Variants in LAPTM4A observed in about 807,000 individuals in gnomAD.
The protein encoded by LAPTM4A is lysosomal-associated transmembrane protein 4A.
LAPTM4A carries 19 observed loss-of-function variants against 29.9 expected under a neutral mutation model. That is an observed-to-expected ratio of 0.64 (90% CI 0.44 to 0.93). LAPTM4A has a LOEUF of 0.93. Among genes scored for constraint, LAPTM4A ranks in the 40% least tolerant of loss-of-function variants. The pLI is 0.00. For missense variants in LAPTM4A, 293 were observed against 288.5 expected, an observed-to-expected ratio of 1.02 and a Z score of -0.11; for synonymous variants, 105 against 102.1, an observed-to-expected ratio of 1.03 and a Z score of -0.17.
intron 1 of LAPTM4A, among the ~76,000 whole-genome samples, chr2:20,042,464 A>T (rs1465757374): frequency 6.6e-6 from 1 of 152,220 alleles, no homozygotes; most frequent in Non-Finnish European, 1.5e-5. Flanking sequence ...GTGGATTCTG[A>T]CACACTACAG....
chr2:20,042,868 T>A (rs1366641619), intron 1 of LAPTM4A, among the ~76,000 whole-genome samples: 1 of 152,168 alleles, frequency 6.6e-6, no homozygotes, highest in Non-Finnish European at 1.5e-5. Context: ...GTTCACAGAA[T>A]TTGCCCTCCT....
intron 4 of LAPTM4A, 120 bp downstream of exon 4, chr2:20,037,196 A>C: frequency 2.6e-6 from 2 of 782,182 alleles, no homozygotes; most frequent in South Asian, 5.0e-5. Flanking sequence ...AATTATTTTA[A>C]GACACTTTCA....
chr2:20,050,059 T>C (rs189439457), intron 1 of LAPTM4A, among the ~76,000 whole-genome samples: 6 of 152,344 alleles, frequency 3.9e-5, no homozygotes, highest in African/African-American at 1.2e-4. Flanking sequence ...GAAAATGTGA[T>C]ATAGTTCTGT....
chr2:20,043,525 A>G (rs1355484558), intron 1 of LAPTM4A, among the ~76,000 whole-genome samples: 1 of 152,170 alleles, frequency 6.6e-6, no homozygotes, highest in African/African-American at 2.4e-5. Context: ...AGCTATCGAT[A>G]GTATTTTAAA....
chr2:20,040,347 C>T (rs886621835), intron 2 of LAPTM4A, among the ~76,000 whole-genome samples: 8 of 152,232 alleles, frequency 5.3e-5, no homozygotes, highest in Admixed American at 4.6e-4. Flanking sequence ...GTAATCCTCA[C>T]TGAATCTCTC....
chr2:20,035,070 A>G lies in LAPTM4A; in HGVS notation c.433-8T>C. The G allele has an allele frequency of 6.3e-7, 1 of 1,583,186 alleles. No individual in the cohort carries two copies. Among genetic ancestry groups the G allele is most frequent in the Non-Finnish European group, 8.7e-7 (1 of 1,153,138 alleles). On this transcript the variant is annotated splice_region_variant and splice_polypyrimidine_tract_variant and intron_variant, in intron 4 of 6. Coordinates refer to ENST00000175091, the MANE Select transcript of LAPTM4A (RefSeq NM_014713.5). ...TTTGTAGGGAAAATCAGGCTATTAA[A>G]GAAACACACACACATTTACAAGTCA...
At chr2:20,049,097 T>C (rs916013393) in intron 1 of LAPTM4A, among the ~76,000 whole-genome samples, 3 of 152,246 alleles carry the variant, frequency 2.0e-5, no homozygotes, top group Non-Finnish European at 4.4e-5. Context: ...ATGTTTTTCA[T>C]ATCTGTGCTC....
intron 1 of LAPTM4A, among the ~76,000 whole-genome samples, chr2:20,041,732 A>C (rs1414911774): frequency 6.6e-6 from 1 of 152,158 alleles, no homozygotes; most frequent in Non-Finnish European, 1.5e-5. Flanking sequence ...ACGGGGTTTC[A>C]CTATGTTGGC....
chr2:20,039,250 T>C lies in LAPTM4A; in HGVS notation c.233-1636A>G, dbSNP rs543136407. 3.0e-4 allele frequency among the ~76,000 whole-genome samples: 46 copies of C among 152,306 alleles called. No homozygotes were observed. The South Asian group carries it at 3.9e-3, about 13-fold the overall frequency. ...TAATTTATCACTGGGCAGTAAAACC[T>C]CATCAATATTTGGCACTAAACTAGG... On this transcript the variant is annotated intron_variant, in intron 2 of 6. Coordinates refer to ENST00000175091, the MANE Select transcript of LAPTM4A (RefSeq NM_014713.5).
At chr2:20,047,457 G>A (rs1467577051) in intron 1 of LAPTM4A, among the ~76,000 whole-genome samples, 2 of 148,690 alleles carry the variant, frequency 1.3e-5, no homozygotes, top group African/African-American at 2.5e-5. Flanking sequence ...TTGGGAGGCC[G>A]AGGCGGGTGG....
intron 1 of LAPTM4A, among the ~76,000 whole-genome samples, chr2:20,051,126 G>T (rs1376833613): frequency 6.6e-6 from 1 of 152,078 alleles, no homozygotes; most frequent in Non-Finnish European, 1.5e-5. Context: ...TCGTCCCTTC[G>T]CCTGCAAAGC....
chr2:20,037,841 C>T (rs111359264), intron 2 of LAPTM4A, among the ~76,000 whole-genome samples: 1 of 151,852 alleles, frequency 6.6e-6, no homozygotes, highest in African/African-American at 2.4e-5. Context: ...ATCGCTCCAA[C>T]GACTCACTGA....
rs1480778849 is a variant in LAPTM4A, at chr2:20,037,359, G to A, written c.389C>T (p.Ser130Phe). Residue 130 changes from serine (S) to phenylalanine (F), a missense_variant, in exon 4 of 7, where the codon TCT becomes TTT. Physicochemically the swap from Ser to Phe is radical, Grantham distance 155. Coordinates refer to ENST00000175091, the MANE Select transcript of LAPTM4A (RefSeq NM_014713.5). ...FVLSCLVAISSLTYLPRIKEY... is the reference protein window; with the variant it reads ...FVLSCLVAISFLTYLPRIKEY... Reference sequence around the variant, plus strand: ...TTTGATTCTTGGCAAATAGGTGAGAGAACTAATAGCAACCAGGCAACTGAG... The same window carrying A: ...TTTGATTCTTGGCAAATAGGTGAGAAAACTAATAGCAACCAGGCAACTGAG... 6.2e-7 allele frequency: 1 copy of A among 1,613,250 alleles called. No individual in the cohort carries two copies.
At chr2:20,033,424 C>G (rs1325901396) in intron 6 of LAPTM4A, 145 bp from the exon 7 acceptor site, 1 of 675,248 alleles carries the variant, frequency 1.5e-6, no homozygotes, top group Non-Finnish European at 2.6e-6. Context: ...AAAATGTTCC[C>G]AAGTAGATGC....
chr2:20,047,393 GAAA>G (rs1470350919), intron 1 of LAPTM4A, among the ~76,000 whole-genome samples: 1 of 94,130 alleles, frequency 1.1e-5, no homozygotes. Flanking sequence ...TCTCAAAAAA[GAAA>G]AAAAAAAAAA....
intron 1 of LAPTM4A, among the ~76,000 whole-genome samples, chr2:20,049,946 G>C (rs912481897): frequency 6.6e-6 from 1 of 152,134 alleles, no homozygotes; most frequent in Non-Finnish European, 1.5e-5. Context: ...GCAAAATGGA[G>C]AAGCTATAAA....
chr2:20,047,820 C>A (rs528708594), intron 1 of LAPTM4A, among the ~76,000 whole-genome samples: 1 of 152,080 alleles, frequency 6.6e-6, no homozygotes, highest in African/African-American at 2.4e-5. Context: ...GGTTTTCGTA[C>A]TACTTCACTA....
At chr2:20,045,152 C>T (rs1388017984) in intron 1 of LAPTM4A, among the ~76,000 whole-genome samples, 1 of 152,190 alleles carries the variant, frequency 6.6e-6, no homozygotes, top group Non-Finnish European at 1.5e-5. Flanking sequence ...ACATGTTTAG[C>T]TTTTCAAAAA....
In LAPTM4A at chr2:20,035,075, C is replaced by T; in HGVS notation, c.433-13G>A. On this transcript the variant is annotated splice_polypyrimidine_tract_variant and intron_variant, in intron 4 of 6. Coordinates refer to ENST00000175091, the MANE Select transcript of LAPTM4A (RefSeq NM_014713.5). ...AGGGAAAATCAGGCTATTAAAGAAACACACACACATTTACAAGTCAGCCAT... is the reference window on the plus strand; with the variant it reads ...AGGGAAAATCAGGCTATTAAAGAAATACACACACATTTACAAGTCAGCCAT... 6.4e-7 allele frequency: 1 copy of T among 1,563,232 alleles called. No individual in the cohort carries two copies. Among genetic ancestry groups the T allele is most frequent in the Non-Finnish European group, 8.8e-7 (1 of 1,135,510 alleles).
Sources: allele counts gnomAD v4.1 joint callset (sites outside exome capture counted in the v4.1 genomes callset), GRCh38; gene constraint gnomAD v4.1.1; transcripts MANE v1.5; gene names NCBI Gene and HGNC (gene_info 2026-07-23, HGNC 2026-07-21).